INTS9: variants seen among roughly 807,000 people sequenced by gnomAD.
The protein encoded by INTS9 is protein related to CPSF subunits of 74 kDa.
In INTS9, 55 loss-of-function variants were observed where a neutral mutation model predicts 79.7. That is an observed-to-expected ratio of 0.69 (90% confidence interval 0.56 to 0.86). The LOEUF (loss-of-function observed/expected upper bound fraction) is 0.86, where lower values mean the gene tolerates loss of function less well. Among genes scored for constraint, INTS9 ranks in the 40% least tolerant of loss-of-function variants. The probability of loss-of-function intolerance (pLI) is 0.00; values close to 1 mark genes in which losing one functional copy is unlikely to be tolerated. For synonymous variants in INTS9, 319 were observed against 325.2 expected, an observed-to-expected ratio of 0.98 and a Z score of 0.20; for missense variants, 721 against 831.5, an observed-to-expected ratio of 0.87 and a Z score of 1.64.
rs768700953 is a variant in INTS9, at chr8:28,793,852, G to GT, written c.991_992insA (p.Pro331HisfsTer15). On this transcript the variant is annotated frameshift_variant, in exon 10 of 17. Transcript: ENST00000521022. LOFTEE classifies it high-confidence loss of function. ...AAACTCCAGTGAACTGTTGGCCACA[G>GT]GGGAGATGAAGTAGAGGGGGACGCT... The GT allele has an allele frequency of 1.9e-6, 3 of 1,613,766 alleles. No homozygotes were observed. In the East Asian group the frequency reaches 6.7e-5, roughly 36 times the overall value.
At chr8:28,772,155 C>T (rs1044273551) in intron 14 of INTS9, among the ~76,000 whole-genome samples, 3 of 152,250 alleles carry the variant, frequency 2.0e-5, no homozygotes, top group African/African-American at 4.8e-5. Context: ...GCCAATGTGC[C>T]TGGCCATAAT....
rs1804673459 is a variant in INTS9 at position 28,804,129 on chromosome 8, G to C, written c.745-7474C>G. 2.6e-5 allele frequency among the ~76,000 whole-genome samples: 4 copies of C among 152,018 alleles called. No homozygotes were observed. The South Asian group carries it at 8.3e-4, about 32-fold the overall frequency. On this transcript the variant is annotated intron_variant, in intron 8 of 16. Transcript: ENST00000521022. Reference sequence around the variant, plus strand: ...TGTAGAGACGGGGTCCCACTATATTGTCCAAGCTGGTCTTGAACACTCCTG... The same window carrying C: ...TGTAGAGACGGGGTCCCACTATATTCTCCAAGCTGGTCTTGAACACTCCTG...
intron 14 of INTS9, among the ~76,000 whole-genome samples, chr8:28,775,244 G>C (rs1802796466): frequency 6.6e-6 from 1 of 152,164 alleles, no homozygotes; most frequent in African/African-American, 2.4e-5. Flanking sequence ...GCTAGGTAAG[G>C]AGCAGTCCTG....
intron 6 of INTS9, among the ~76,000 whole-genome samples, chr8:28,816,304 T>TC (rs1805476166): frequency 4.7e-5 from 3 of 64,506 alleles, no homozygotes; most frequent in Non-Finnish European, 8.4e-5. Context: ...CCCTCCCCCC[T>TC]CCCCCCACCC....
At chr8:28,875,970 A>G (rs1168056486) in intron 1 of INTS9, among the ~76,000 whole-genome samples, 1 of 152,230 alleles carries the variant, frequency 6.6e-6, no homozygotes, top group Non-Finnish European at 1.5e-5. Flanking sequence ...AGTCATCAAC[A>G]GTTTCCTCCT....
At chr8:28,792,813 T>A (rs1803990806) in intron 10 of INTS9, among the ~76,000 whole-genome samples, 1 of 151,516 alleles carries the variant, frequency 6.6e-6, no homozygotes, top group African/African-American at 2.4e-5. Context: ...CTTCGGAGGC[T>A]GAGGCAGGAG....
At chr8:28,814,700 A>G (rs1243638842) in intron 6 of INTS9, among the ~76,000 whole-genome samples, 1 of 152,152 alleles carries the variant, frequency 6.6e-6, no homozygotes, top group Non-Finnish European at 1.5e-5. Context: ...GAAACCATCA[A>G]CTGAGACAGC....
intron 1 of INTS9, among the ~76,000 whole-genome samples, chr8:28,889,155 T>C (rs1810406301): frequency 6.6e-6 from 1 of 152,232 alleles, no homozygotes; most frequent in Non-Finnish European, 1.5e-5. Flanking sequence ...TAGACTTGTG[T>C]GCACAATGAG....
At chr8:28,811,785 C>T (rs1321571931) in intron 8 of INTS9, among the ~76,000 whole-genome samples, 1 of 152,196 alleles carries the variant, frequency 6.6e-6, no homozygotes, top group Non-Finnish European at 1.5e-5. Flanking sequence ...CCTGGGCACC[C>T]AATCTAAACC....
intron 11 of INTS9, 79 bp downstream of exon 11, chr8:28,787,750 C>T: frequency 1.0e-6 from 1 of 993,418 alleles, no homozygotes; most frequent in Non-Finnish European, 1.6e-6. Context: ...TCTATTTCAT[C>T]TAACGACCTG....
At chr8:28,876,864 T>C (rs1199947688) in intron 1 of INTS9, among the ~76,000 whole-genome samples, 1 of 152,018 alleles carries the variant, frequency 6.6e-6, no homozygotes, top group African/African-American at 2.4e-5. Context: ...AGATAAAGTA[T>C]TTAGATACAG....
chr8:28,839,064 T>C (rs1234476823), intron 4 of INTS9, among the ~76,000 whole-genome samples: 2 of 152,082 alleles, frequency 1.3e-5, no homozygotes, highest in South Asian at 2.1e-4. Flanking sequence ...CTGGGAAATA[T>C]ACGGTGCACT....
intron 6 of INTS9, among the ~76,000 whole-genome samples, chr8:28,831,425 A>G (rs2131155002): frequency 1.3e-5 from 2 of 152,328 alleles, no homozygotes; most frequent in East Asian, 3.9e-4. Flanking sequence ...CCTATGTAAC[A>G]AAACTGCATG....
intron 12 of INTS9, among the ~76,000 whole-genome samples, chr8:28,778,554 A>G (rs1803042635): frequency 6.6e-6 from 1 of 152,138 alleles, no homozygotes; most frequent in African/African-American, 2.4e-5. Flanking sequence ...CTGTAGACTG[A>G]GACTGGGATG....
chr8:28,880,565 A>G lies in INTS9; in HGVS notation c.9+9309T>C, dbSNP rs1054525500. ...TGGAGTCTCGTTCACTCAGTGCTCA[A>G]TGGTGCCCAGGCTGGAGTGCAGCGG... On this transcript the variant is annotated intron_variant, in intron 1 of 16. Coordinates refer to ENST00000521022, the MANE Select transcript of INTS9 (RefSeq NM_018250.4). Among the ~76,000 whole-genome samples the G allele has an allele frequency of 1.7e-4, 25 of 151,468 alleles. No homozygotes were observed. The East Asian group carries it at 2.7e-3, about 17-fold the overall frequency.
At chr8:28,782,551 G>A (rs150209953) in intron 11 of INTS9, among the ~76,000 whole-genome samples, 10 of 152,284 alleles carry the variant, frequency 6.6e-5, no homozygotes, top group Admixed American at 1.3e-4. Context: ...ACACATACAC[G>A]CACACACACA....
chr8:28,850,341 C>T, intron 2 of INTS9, 68 bp from the exon 3 acceptor site: 3 of 1,246,694 alleles, frequency 2.4e-6, no homozygotes, highest in Non-Finnish European at 2.3e-6. Context: ...TTCATGGTAA[C>T]TTACTGTCTC....
At chr8:28,777,701 C>A in intron 13 of INTS9, 128 bp downstream of exon 13, 1 of 1,085,576 alleles carries the variant, frequency 9.2e-7, no homozygotes, top group Non-Finnish European at 1.2e-6. Context: ...TCCCAGCATT[C>A]TGCAGATGCG....
At chr8:28,790,819 A>AC (rs984568985) in intron 10 of INTS9, among the ~76,000 whole-genome samples, 1 of 152,136 alleles carries the variant, frequency 6.6e-6, no homozygotes, top group Non-Finnish European at 1.5e-5. Flanking sequence ...AACGCTGAGG[A>AC]CACCCCAACC....
Sources: gnomAD v4.1 joint callset for allele counts (sites outside exome capture counted in the v4.1 genomes callset) on GRCh38, gnomAD v4.1.1 for gene constraint, MANE v1.5 for transcripts, NCBI Gene and HGNC (gene_info 2026-07-23, HGNC 2026-07-21) for gene names.